Variants in SLC6A6 observed in about 807,000 individuals in gnomAD.
SLC6A6 encodes solute carrier family 6 member 6.
A neutral mutation model predicts 68.8 loss-of-function variants in SLC6A6; 16 were observed. The ratio of observed to expected loss-of-function variants is 0.23; its 90% CI spans 0.16 to 0.35. The LOEUF is 0.35. Ranked by LOEUF, SLC6A6 falls within the 10% of genes least tolerant of loss-of-function variation. The probability of loss-of-function intolerance (pLI) is 1.00; values close to 1 mark genes in which losing one functional copy is unlikely to be tolerated. For synonymous variants in SLC6A6, 312 were observed against 315.4 expected, an observed-to-expected ratio of 0.99 and a Z score of 0.12; for missense variants, 474 against 802.8, an observed-to-expected ratio of 0.59 and a Z score of 4.95.
intron 2 of SLC6A6, among the ~76,000 whole-genome samples, chr3:14,442,182 T>C (rs1227759918): frequency 6.6e-6 from 1 of 152,224 alleles, no homozygotes; most frequent in Non-Finnish European, 1.5e-5. Context: ...ATGAGCTCAC[T>C]GTGGTCCAAC....
chr3:14,457,897 T>G, intron 5 of SLC6A6, 53 bp from the exon 6 acceptor site: 1 of 1,600,550 alleles, frequency 6.2e-7, no homozygotes, highest in South Asian at 1.1e-5. Flanking sequence ...CTTGGCTCTC[T>G]CTACTCCAGG....
chr3:14,434,480 C>G (rs1367039960), intron 2 of SLC6A6, among the ~76,000 whole-genome samples: 1 of 152,252 alleles, frequency 6.6e-6, no homozygotes, highest in Non-Finnish European at 1.5e-5. Flanking sequence ...CCCACTGTCT[C>G]CAGTTCCTAG....
intron 6 of SLC6A6, among the ~76,000 whole-genome samples, chr3:14,465,252 G>A (rs1364639078): frequency 6.6e-6 from 1 of 152,244 alleles, no homozygotes; most frequent in Non-Finnish European, 1.5e-5. Flanking sequence ...GCGCTTGCAG[G>A]ACAAGAGGAG....
In SLC6A6 at chr3:14,430,298, C is replaced by T. The variant is rs890697671; in HGVS notation, c.-11-13326C>T. ...ATTTGGGGTTTGCTAGAAACAAACC[C>T]GGCTAAGCACGTGGGAGCAGAGGTC... On this transcript the variant is annotated intron_variant, in intron 2 of 14. Transcript: ENST00000622186. 5.9e-5 allele frequency among the ~76,000 whole-genome samples: 9 copies of T among 151,814 alleles called. No individual in the cohort carries two copies. The East Asian group carries it at 7.8e-4, about 13-fold the overall frequency.
At chr3:14,403,119 TGTGTGG>T (rs1426125778) in intron 1 of SLC6A6, among the ~76,000 whole-genome samples, 3 of 118,496 alleles carry the variant, frequency 2.5e-5, no homozygotes, top group African/African-American at 9.6e-5. Context: ...TGTGTGTGTG[TGTGTGG>T]CATATCTGTG....
At position 14,488,854 on chromosome 3, in the gene SLC6A6, C is replaced by G. The variant is rs1275078237; in HGVS notation, c.*3847C>G. 2.0e-5 allele frequency: 3 copies of G among 152,384 alleles called. No homozygotes were observed. The highest frequency in any genetic ancestry group is 4.4e-5 in the Non-Finnish European group (3 of 68,000). The allele number at this position is 152,384 out of a possible 1,614,324, so 9.4% of individuals were successfully genotyped here. On this transcript the variant is annotated 3_prime_UTR_variant, in exon 15 of 15. Transcript: ENST00000622186. ...CACTACAGACATGTTCTGGCGTGTT[C>G]TCCGAGGGATGGAGCATCCTGTTAT... is the stretch of plus-strand genomic sequence containing the variant.
chr3:14,424,510 G>T (rs1189310151), intron 2 of SLC6A6, among the ~76,000 whole-genome samples: 2 of 151,994 alleles, frequency 1.3e-5, no homozygotes, highest in Non-Finnish European at 2.9e-5. Flanking sequence ...CAGCGTGGCT[G>T]GGGTGTCCTG....
At chr3:14,407,390 A>C (rs1222490501) in intron 1 of SLC6A6, among the ~76,000 whole-genome samples, 1 of 152,154 alleles carries the variant, frequency 6.6e-6, no homozygotes, top group Non-Finnish European at 1.5e-5. Context: ...ATGAGTTTTG[A>C]CAAATGTATA....
intron 2 of SLC6A6, among the ~76,000 whole-genome samples, chr3:14,430,637 G>A (rs886101969): frequency 2.0e-5 from 3 of 152,164 alleles, no homozygotes; most frequent in South Asian, 2.1e-4. Context: ...GCTGGAAGTC[G>A]CTGCCACCAC....
chr3:14,426,789 T>A (rs1015720414), intron 2 of SLC6A6, among the ~76,000 whole-genome samples: 2 of 152,022 alleles, frequency 1.3e-5, no homozygotes, highest in Non-Finnish European at 2.9e-5. Context: ...GGGCTGGCCC[T>A]GCCCTAGAGC....
chr3:14,451,339 G>C (rs569167808), intron 5 of SLC6A6, among the ~76,000 whole-genome samples: 2 of 152,356 alleles, frequency 1.3e-5, no homozygotes, highest in East Asian at 3.9e-4. Context: ...AGGAGCATAT[G>C]AGCTGGGCTT....
At chr3:14,461,429 G>T (rs1045891357) in intron 6 of SLC6A6, among the ~76,000 whole-genome samples, 3 of 152,226 alleles carry the variant, frequency 2.0e-5, no homozygotes, top group African/African-American at 7.2e-5. Context: ...CCCCGTGCCA[G>T]CCTGAGGATG....
Position 14,481,651 on chromosome 3 carries a change from C to T in SLC6A6, c.1552-20C>T, listed in dbSNP as rs770389867. 6.3e-7 allele frequency: 1 copy of T among 1,581,798 alleles called. No individual in the cohort carries two copies. Among genetic ancestry groups the T allele is most frequent in the Non-Finnish European group, 8.6e-7 (1 of 1,157,820 alleles). Reference sequence around the variant, plus strand: ...CCGATGCCCAGGACCCCTCTCCTGACTGCCCCCATCTCTCCGCAGGGATGT... The same window carrying T: ...CCGATGCCCAGGACCCCTCTCCTGATTGCCCCCATCTCTCCGCAGGGATGT... On this transcript the variant is annotated intron_variant, in intron 13 of 14. Coordinates refer to ENST00000622186, the MANE Select transcript of SLC6A6 (RefSeq NM_003043.6). This position sits in a 1 kb window ranked among gnomAD's most constrained non-coding sequence, Gnocchi z 4.7.
In SLC6A6 at chr3:14,472,493, C is replaced by G. The variant is rs1044480419; in HGVS notation, c.1209+176C>G. On this transcript the variant is annotated intron_variant, in intron 10 of 14. Coordinates refer to ENST00000622186, the MANE Select transcript of SLC6A6 (RefSeq NM_003043.6). This position sits in a 1 kb window ranked among gnomAD's most constrained non-coding sequence, Gnocchi z 4.5. The stretch of plus-strand genomic sequence containing the variant: ...CAGGAATAGAAAAAGCTCTGCGTCC[C>G]CAGAAAGTGCATTTGAACAAGATAA... 1.3e-5 allele frequency among the ~76,000 whole-genome samples: 2 copies of G among 152,166 alleles called. No homozygotes were observed. Among genetic ancestry groups the G allele is most frequent in the Non-Finnish European group, 2.9e-5 (2 of 68,050 alleles).
chr3:14,429,821 A>G (rs775777464), intron 2 of SLC6A6, among the ~76,000 whole-genome samples: 1 of 152,222 alleles, frequency 6.6e-6, no homozygotes, highest in Non-Finnish European at 1.5e-5. Context: ...GACTTCAGCA[A>G]TGAATGACTT....
chr3:14,403,534 C>T (rs1377514725), intron 1 of SLC6A6, among the ~76,000 whole-genome samples: 2 of 152,100 alleles, frequency 1.3e-5, no homozygotes, highest in East Asian at 1.9e-4. Context: ...TTCTCCAGGG[C>T]CGGCGCTGAG....
At chr3:14,440,749 G>A (rs1221738711) in intron 2 of SLC6A6, among the ~76,000 whole-genome samples, 2 of 152,152 alleles carry the variant, frequency 1.3e-5, no homozygotes, top group Non-Finnish European at 2.9e-5. Context: ...GAATGTACAG[G>A]CGGGTCTTGC....
chr3:14,464,995 C>A (rs7610741), intron 6 of SLC6A6, among the ~76,000 whole-genome samples: 79,088 of 152,034 alleles, frequency 0.52, 21,985 homozygotes, highest in African/African-American at 0.73. Flanking sequence ...GCCCTGGGCA[C>A]GTCCTTAAAG....
chr3:14,419,483 A>G (rs1431166941), intron 2 of SLC6A6, among the ~76,000 whole-genome samples: 2 of 152,200 alleles, frequency 1.3e-5, no homozygotes, highest in South Asian at 4.1e-4. Context: ...TATTGCTGAC[A>G]GGGGGCAACC....
Sources: gnomAD v4.1 joint callset for allele counts (sites outside exome capture counted in the v4.1 genomes callset) on GRCh38, gnomAD v4.1.1 for gene constraint, Gnocchi (gnomAD v3.1) non-coding constraint, MANE v1.5 for transcripts, NCBI Gene and HGNC (gene_info 2026-07-23, HGNC 2026-07-21) for gene names.